The following ADARB2 variants were observed in gnomAD, a reference collection of about 807,000 sequenced individuals.
ADARB2 encodes inactive double-stranded RNA-specific editase B2.
A neutral mutation model predicts 62.2 loss-of-function variants in ADARB2; 25 were observed. The observed-to-expected ratio is 0.40, with a 90% CI of 0.29 to 0.56. The LOEUF (loss-of-function observed/expected upper bound fraction) is 0.56. ADARB2 is among the 20% of genes least tolerant of loss of function. The pLI, the probability that ADARB2 is intolerant of heterozygous loss-of-function variation, is 0.43. For synonymous variants in ADARB2, 572 were observed against 500.8 expected (o/e 1.14, Z -1.90); for missense variants, 1,071 against 1,077.4 (o/e 0.99, Z 0.08).
chr10:1,466,760 G>C (rs10903463), intron 1 of ADARB2, among the ~76,000 whole-genome samples: 56,871 of 152,018 alleles, frequency 0.37, 10,899 homozygotes, highest in Admixed American at 0.5. Context: ...CTCTATGGAA[G>C]ACTGTGGCAC....
chr10:1,540,546 C>T (rs1832406928), intron 1 of ADARB2, among the ~76,000 whole-genome samples: 1 of 95,038 alleles, frequency 1.1e-5, no homozygotes, highest in African/African-American at 4.1e-5. Flanking sequence ...GACCCTGGAT[C>T]ACAGCCGTCC....
intron 1 of ADARB2, among the ~76,000 whole-genome samples, chr10:1,575,811 T>G (rs1474665295): frequency 6.6e-6 from 1 of 151,986 alleles, no homozygotes; most frequent in Non-Finnish European, 1.5e-5. Context: ...AGTGCCAGGG[T>G]CGTTTCTGAA....
chr10:1,411,267 C>A (rs531796331), intron 1 of ADARB2, among the ~76,000 whole-genome samples: 39 of 152,192 alleles, frequency 2.6e-4, no homozygotes, highest in Non-Finnish European at 5.3e-4. Flanking sequence ...GGCACAGGTG[C>A]GTCCGTGAGG....
chr10:1,454,228 G>T (rs1588263763), intron 1 of ADARB2, among the ~76,000 whole-genome samples: 1 of 152,076 alleles, frequency 6.6e-6, no homozygotes, highest in South Asian at 2.1e-4. Flanking sequence ...GAACAGCATG[G>T]GAAAGACCCA....
At chr10:1,608,238 C>G (rs1833518495) in intron 1 of ADARB2, among the ~76,000 whole-genome samples, 2 of 152,176 alleles carry the variant, frequency 1.3e-5, no homozygotes, top group South Asian at 2.1e-4. Flanking sequence ...TTGAGATGAC[C>G]TTTTGCATTT....
intron 1 of ADARB2, among the ~76,000 whole-genome samples, chr10:1,473,990 C>T (rs1284436325): frequency 6.7e-5 from 10 of 150,054 alleles, no homozygotes; most frequent in East Asian, 1.9e-4. Flanking sequence ...CCTTGCTGAG[C>T]CCCCGGATCA....
At chr10:1,464,082 C>T (rs1475516744) in intron 1 of ADARB2, among the ~76,000 whole-genome samples, 1 of 149,962 alleles carries the variant, frequency 6.7e-6, no homozygotes, top group African/African-American at 2.5e-5. Flanking sequence ...CCGCCACACA[C>T]ATGCGCTGGG....
intron 1 of ADARB2, among the ~76,000 whole-genome samples, chr10:1,641,463 A>C (rs575011281): frequency 6.6e-6 from 1 of 152,372 alleles, no homozygotes; most frequent in African/African-American, 2.4e-5. Context: ...TTTTGAAGGA[A>C]ATAAAAGGTC....
chr10:1,444,255 C>T (rs1181436695), intron 1 of ADARB2, among the ~76,000 whole-genome samples: 1 of 126,266 alleles, frequency 7.9e-6, no homozygotes, highest in Non-Finnish European at 1.6e-5. Context: ...TCCATCCATT[C>T]ACCATCCATC....
intron 1 of ADARB2, among the ~76,000 whole-genome samples, chr10:1,648,741 A>G (rs1384453182): frequency 1.3e-5 from 2 of 152,192 alleles, no homozygotes; most frequent in African/African-American, 4.8e-5. Flanking sequence ...TCATAGCGAT[A>G]GCGGTGTCTT....
At chr10:1,572,987 TTACATG>T (rs1170876962) in intron 1 of ADARB2, among the ~76,000 whole-genome samples, 2 of 152,238 alleles carry the variant, frequency 1.3e-5, no homozygotes, top group African/African-American at 4.8e-5. Context: ...GAGTGCTCAT[TTACATG>T]GCCAGAGTGG....
intron 4 of ADARB2, among the ~76,000 whole-genome samples, chr10:1,251,005 A>G (rs543369172): frequency 3.3e-4 from 50 of 152,370 alleles, no homozygotes; most frequent in African/African-American, 1.2e-3. Flanking sequence ...GAGACTATCC[A>G]ATTAATGGTA....
chr10:1,403,462 T>G (rs1832682126), intron 1 of ADARB2, among the ~76,000 whole-genome samples: 1 of 152,204 alleles, frequency 6.6e-6, no homozygotes, highest in African/African-American at 2.4e-5. Flanking sequence ...ATATACGTTT[T>G]TTAAGGGCTT....
chr10:1,674,269 C>T (rs527513433), intron 1 of ADARB2, among the ~76,000 whole-genome samples: 78 of 152,328 alleles, frequency 5.1e-4, no homozygotes, highest in South Asian at 1.0e-3. Flanking sequence ...CTGTGGGGGC[C>T]CCCGCAGCCT....
chr10:1,627,081 C>T (rs1159332448), intron 1 of ADARB2, among the ~76,000 whole-genome samples: 1 of 152,190 alleles, frequency 6.6e-6, no homozygotes, highest in African/African-American at 2.4e-5. Context: ...TCCCTCCCCA[C>T]AGGCTCACAC....
intron 2 of ADARB2, among the ~76,000 whole-genome samples, chr10:1,377,178 CTCTGGGGTGTGTGCT>C (rs1203299937): frequency 1.3e-4 from 11 of 86,954 alleles, no homozygotes; most frequent in African/African-American, 5.1e-4. Context: ...GTGTGTGCGC[CTCTGGGGTGTGTGCT>C]CCTGGGGTGT....
intron 1 of ADARB2, among the ~76,000 whole-genome samples, chr10:1,482,595 A>T (rs34357600): frequency 0.13 from 20,514 of 152,200 alleles, 1,910 homozygotes; most frequent in East Asian, 0.3. Context: ...GTGGATGGTG[A>T]GGTGTTGGCA....
chr10:1,609,118 C>T (rs868780088), intron 1 of ADARB2, among the ~76,000 whole-genome samples: 2 of 152,218 alleles, frequency 1.3e-5, no homozygotes, highest in Non-Finnish European at 2.9e-5. Context: ...GGCCTTTGGT[C>T]CCCTTTCAGG....
intron 4 of ADARB2, among the ~76,000 whole-genome samples, chr10:1,268,575 C>T (rs1023875395): frequency 1.3e-5 from 2 of 152,124 alleles, no homozygotes; most frequent in African/African-American, 2.4e-5. Flanking sequence ...ACATATTACT[C>T]TGAGAATTTC....
Sources: allele counts gnomAD v4.1 joint callset (sites outside exome capture counted in the v4.1 genomes callset), GRCh38; gene constraint gnomAD v4.1.1; transcripts MANE v1.5; gene names NCBI Gene and HGNC (gene_info 2026-07-23, HGNC 2026-07-21).